ANK3: variants seen among roughly 807,000 people sequenced by gnomAD.
ANK3 encodes the protein ankyrin-3.
In ANK3, 57 loss-of-function variants were observed where a neutral mutation model predicts 370.9. The ratio of observed to expected loss-of-function variants is 0.15; its 90% CI spans 0.12 to 0.19. The LOEUF (loss-of-function observed/expected upper bound fraction) is 0.19, where lower values mean the gene tolerates loss of function less well. Among genes scored for constraint, ANK3 ranks in the 10% least tolerant of loss-of-function variants. ANK3 has a pLI of 1.00. For synonymous variants in ANK3, 1,929 were observed against 1,946.3 expected (o/e 0.99, Z 0.23); for missense variants, 4,439 against 5,302.1 (o/e 0.84, Z 5.06).
Position 60,409,910 on chromosome 10 carries a change from C to T in ANK3, c.97-130271G>A, listed in dbSNP as rs910178594. 4.6e-5 allele frequency among the ~76,000 whole-genome samples: 7 copies of T among 152,122 alleles called. No individual in the cohort carries two copies. The East Asian group carries it at 5.8e-4, about 13-fold the overall frequency. The stretch of plus-strand genomic sequence containing the variant: ...ATCTTCTGCCACCTCCCTTTTATCA[C>T]GGATCACGTGCTCTGAGCCCTAGTC... On this transcript the variant is annotated intron_variant, in intron 2 of 43. Coordinates refer to the ANK3 transcript ENST00000373827.
At chr10:60,087,304 A>G (rs1156973596) in intron 29 of ANK3, among the ~76,000 whole-genome samples, 1 of 152,226 alleles carries the variant, frequency 6.6e-6, no homozygotes, top group Non-Finnish European at 1.5e-5. Context: ...AGTTAATAAC[A>G]AAATGCATTC....
At chr10:60,590,836 T>C (rs1211503959) in intron 2 of ANK3, among the ~76,000 whole-genome samples, 1 of 152,248 alleles carries the variant, frequency 6.6e-6, no homozygotes, top group Non-Finnish European at 1.5e-5. Context: ...TTAAACTATA[T>C]TGGTTTTTTA....
intron 2 of ANK3, among the ~76,000 whole-genome samples, chr10:60,541,410 A>G (rs370835260): frequency 6.6e-6 from 1 of 152,020 alleles, no homozygotes; most frequent in South Asian, 2.1e-4. Context: ...AGATAGGTTT[A>G]AAAATATAAA....
intron 2 of ANK3, among the ~76,000 whole-genome samples, chr10:60,433,039 C>T (rs1311032123): frequency 6.6e-6 from 1 of 152,136 alleles, no homozygotes; most frequent in Non-Finnish European, 1.5e-5. Context: ...CAGAGACTGC[C>T]CCCAGTGCTC....
rs143550595 is a variant in ANK3 at position 60,303,299 on chromosome 10, A to T, written c.115-23660T>A. On this transcript the variant is annotated intron_variant, in intron 1 of 43. Transcript: ENST00000280772. ...TTAGGATTCAGAAAAAATATTTGTG[A>T]ACGATACATGTAATAAGAGGTTAAT... Among the ~76,000 whole-genome samples, 114 of 152,234 alleles carry T rather than the reference A, an allele frequency of 7.5e-4. 1 individual carries two copies. The East Asian group carries it at 0.018, about 24-fold the overall frequency.
At chr10:60,585,194 C>T (rs530353685) in intron 2 of ANK3, among the ~76,000 whole-genome samples, 1 of 152,272 alleles carries the variant, frequency 6.6e-6, no homozygotes, top group East Asian at 1.9e-4. Flanking sequence ...ATGCTGCATG[C>T]TGGAGAGTTA....
chr10:60,111,721 A>T (rs543275090), intron 26 of ANK3: 1 of 455,020 alleles, frequency 2.2e-6, no homozygotes, highest in South Asian at 1.6e-5. Flanking sequence ...CACATAAAGG[A>T]CACAGTTATC....
chr10:60,534,705 T>C (rs1440365395), intron 2 of ANK3, among the ~76,000 whole-genome samples: 5 of 152,124 alleles, frequency 3.3e-5, no homozygotes, highest in Non-Finnish European at 7.4e-5. Context: ...TTAGCGTTAT[T>C]AGTATATGTG....
intron 1 of ANK3, among the ~76,000 whole-genome samples, chr10:60,657,905 G>A (rs2078886621): frequency 6.6e-6 from 1 of 151,210 alleles, no homozygotes; most frequent in Non-Finnish European, 1.5e-5. Context: ...CTGTTACTAG[G>A]TACATATACA....
intron 2 of ANK3, among the ~76,000 whole-genome samples, chr10:60,493,079 CAAAA>C (rs1268736795): frequency 1.6e-5 from 2 of 121,558 alleles, no homozygotes; most frequent in Non-Finnish European, 3.4e-5. Flanking sequence ...GACTCCTTCT[CAAAA>C]AAAAAAAAAA....
intron 1 of ANK3, among the ~76,000 whole-genome samples, chr10:60,625,315 T>C (rs2078394240): frequency 6.6e-6 from 1 of 152,178 alleles, no homozygotes; most frequent in Non-Finnish European, 1.5e-5. Context: ...TAATGCATTG[T>C]TGTTTAAGCC....
At chr10:60,702,354 C>G (rs780970458) in intron 1 of ANK3, among the ~76,000 whole-genome samples, 1 of 152,006 alleles carries the variant, frequency 6.6e-6, no homozygotes, top group Non-Finnish European at 1.5e-5. Context: ...AATTTGTACT[C>G]TATATCCTAA....
At chr10:60,193,947 C>A (rs1394359280) in intron 16 of ANK3, among the ~76,000 whole-genome samples, 1 of 152,026 alleles carries the variant, frequency 6.6e-6, no homozygotes, top group Non-Finnish European at 1.5e-5. Flanking sequence ...ACAGTGAAAC[C>A]CTGTCTCTAC....
At chr10:60,563,040 C>CA (rs1427625155) in intron 2 of ANK3, among the ~76,000 whole-genome samples, 1 of 152,020 alleles carries the variant, frequency 6.6e-6, no homozygotes, top group African/African-American at 2.4e-5. Context: ...TTATGAACAA[C>CA]AAAAAATTAA....
At position 60,064,299 on chromosome 10, in the gene ANK3, GAA is replaced by G. The variant is rs2081194722; in HGVS notation, c.12320-13_12320-12del. On this transcript the variant is annotated splice_polypyrimidine_tract_variant and intron_variant, in intron 38 of 43. Transcript: ENST00000280772. ...GTTCCCTTGCCAGTTCTGTAGAAAAGAAAGAGAGTTACTAAGATTGCATATTC... is the reference window on the plus strand; with the variant it reads ...GTTCCCTTGCCAGTTCTGTAGAAAAGAGAGAGTTACTAAGATTGCATATTC... 6.4e-7 allele frequency: 1 copy of G among 1,557,660 alleles called. No homozygotes were observed. Among genetic ancestry groups the G allele is most frequent in the Non-Finnish European group, 8.6e-7 (1 of 1,163,362 alleles).
In ANK3 at chr10:60,080,599, C is replaced by T. The variant is rs758325260; in HGVS notation, c.4370G>A (p.Arg1457Gln). The T allele has an allele frequency of 7.5e-6, 12 of 1,594,062 alleles. No homozygotes were observed. The highest frequency in any genetic ancestry group is 3.5e-5 in the South Asian group (3 of 85,544). Residue 1457 changes from arginine (R) to glutamine (Q), a missense_variant, in exon 36 of 44, where the codon CGA becomes CAA. Physicochemically the swap from Arg to Gln is conservative, Grantham distance 43. Coordinates refer to ENST00000280772, the MANE Select transcript of ANK3 (RefSeq NM_020987.5). ...QDDEIEKTDR[R>Q]QSFASLALRK... is the part of the protein sequence containing the mutation. ...TAAAGCTAAGGATGCGAAGCTCTGT[C>T]GTCTATCTGTTTTCTCAATCTGAAA...
chr10:60,472,721 G>A (rs1025231306), intron 2 of ANK3, among the ~76,000 whole-genome samples: 10 of 152,210 alleles, frequency 6.6e-5, no homozygotes, highest in South Asian at 2.1e-4. Flanking sequence ...AACCGCACAA[G>A]CATTAAGGAT....
intron 2 of ANK3, among the ~76,000 whole-genome samples, chr10:60,565,248 T>A (rs1170256685): frequency 6.6e-6 from 1 of 152,184 alleles, no homozygotes; most frequent in Non-Finnish European, 1.5e-5. Flanking sequence ...CTGTTTTGCC[T>A]CAGATCATCA....
intron 1 of ANK3, among the ~76,000 whole-genome samples, chr10:60,719,086 TC>T (rs2132022893): frequency 6.6e-6 from 1 of 152,278 alleles, no homozygotes; most frequent in South Asian, 2.1e-4. Context: ...GTGACTTCTT[TC>T]TTTTGCTTTT....
Sources: gnomAD v4.1 joint callset for allele counts (sites outside exome capture counted in the v4.1 genomes callset) on GRCh38, gnomAD v4.1.1 for gene constraint, MANE v1.5 for transcripts, NCBI Gene and HGNC (gene_info 2026-07-23, HGNC 2026-07-21) for gene names.